Variants in FBXO34 observed in about 807,000 individuals in gnomAD.
FBXO34 encodes the protein F-box protein 34, also known as F-box only protein 34.
In FBXO34, 12 loss-of-function variants were observed where a neutral mutation model predicts 24.5. The observed-to-expected ratio is 0.49, with a 90% CI of 0.31 to 0.79. FBXO34 has a LOEUF of 0.79. Ranked by LOEUF, FBXO34 falls within the 30% of genes least tolerant of loss-of-function variation. The pLI is 0.04. For synonymous variants in FBXO34, 320 were observed against 311.9 expected, an observed-to-expected ratio of 1.03 and a Z score of -0.27; for missense variants, 823 against 857.7, an observed-to-expected ratio of 0.96 and a Z score of 0.51.
chr14:55,413,692 A>G, the FBXO34 span: 1 of 324,276 alleles, frequency 3.1e-6, no homozygotes, highest in Non-Finnish European at 6.1e-6. Flanking sequence ...TTTTCTGATT[A>G]TTTACCTTCA....
intron 1 of FBXO34, among the ~76,000 whole-genome samples, chr14:55,323,026 A>AAAAAAAC (rs1266987692): frequency 1.6e-5 from 2 of 126,428 alleles, no homozygotes; most frequent in Non-Finnish European, 3.3e-5. Context: ...ACAAAAAAAA[A>AAAAAAAC]AAAAAAAGCA....
chr14:55,309,233 C>T (rs944566656), intron 1 of FBXO34, among the ~76,000 whole-genome samples: 3 of 151,986 alleles, frequency 2.0e-5, no homozygotes, highest in African/African-American at 7.3e-5. Flanking sequence ...TTAAATATTC[C>T]TATGAATACA....
intron 1 of FBXO34, among the ~76,000 whole-genome samples, chr14:55,319,552 A>T (rs1288100658): frequency 6.6e-6 from 1 of 151,974 alleles, no homozygotes; most frequent in African/African-American, 2.4e-5. Context: ...ATCCTTTGTA[A>T]TTTTTGGTGA....
At chr14:55,339,464 C>T (rs1262584211) in intron 1 of FBXO34, 5 of 145,194 alleles carry the variant, frequency 3.4e-5, no homozygotes, top group Non-Finnish European at 6.0e-5. Flanking sequence ...TATCCTTTGT[C>T]GAAGCCATTA....
At chr14:55,358,901 A>T (rs1206989568) in intron 3 of FBXO34, among the ~76,000 whole-genome samples, 1 of 152,042 alleles carries the variant, frequency 6.6e-6, no homozygotes, top group Non-Finnish European at 1.5e-5. Flanking sequence ...GTGTAATAGA[A>T]CCACGGGGTG....
intron 1 of FBXO34, among the ~76,000 whole-genome samples, chr14:55,273,257 T>A (rs1156419562): frequency 6.6e-6 from 1 of 152,122 alleles, no homozygotes; most frequent in Non-Finnish European, 1.5e-5. Context: ...TCTCTCTGGG[T>A]TTTACATCAA....
the FBXO34 span, among the ~76,000 whole-genome samples, chr14:55,393,037 A>G: frequency 6.6e-6 from 1 of 152,232 alleles, no homozygotes; most frequent in Admixed American, 6.5e-5. Flanking sequence ...TTTGTTTACT[A>G]AAACATTCAG....
At chr14:55,395,957 AT>A in the FBXO34 span, 3 of 1,596,440 alleles carry the variant, frequency 1.9e-6, no homozygotes, top group Non-Finnish European at 1.7e-6. Flanking sequence ...TCTGTTATCC[AT>A]TTTCCTTCCA....
the FBXO34 span, chr14:55,437,094 G>A: frequency 4.1e-6 from 5 of 1,223,378 alleles, no homozygotes; most frequent in Non-Finnish European, 5.9e-6. Flanking sequence ...ATGTCACTAT[G>A]GCAGGCAGGC....
At chr14:55,323,462 G>A (rs141081784) in intron 1 of FBXO34, among the ~76,000 whole-genome samples, 1 of 150,718 alleles carries the variant, frequency 6.6e-6, no homozygotes, top group Non-Finnish European at 1.5e-5. Flanking sequence ...GGCTCACTGC[G>A]GTCTTCGAGT....
chr14:55,428,727 AAGAT>A, the FBXO34 span: 1 of 1,428,602 alleles, frequency 7.0e-7, no homozygotes, highest in Non-Finnish European at 9.5e-7. Flanking sequence ...ATTTCTCTGA[AAGAT>A]ACTTTACGTA....
chr14:55,278,290 C>G (rs754849544), intron 1 of FBXO34, among the ~76,000 whole-genome samples: 1 of 152,118 alleles, frequency 6.6e-6, no homozygotes, highest in South Asian at 2.1e-4. Context: ...CTCACTGTGA[C>G]GAAGTTAAGC....
the FBXO34 span, among the ~76,000 whole-genome samples, chr14:55,396,262 T>C: frequency 3.3e-5 from 5 of 152,230 alleles, no homozygotes; most frequent in African/African-American, 1.2e-4. Context: ...CATCAGTAAC[T>C]GCCATCCGTC....
intron 1 of FBXO34, among the ~76,000 whole-genome samples, chr14:55,296,657 A>G (rs1882144061): frequency 6.6e-6 from 1 of 151,946 alleles, no homozygotes; most frequent in South Asian, 2.1e-4. Flanking sequence ...TGGTCTCCCA[A>G]AGTGCTGGGA....
At chr14:55,430,273 T>G in the FBXO34 span, among the ~76,000 whole-genome samples, 1 of 152,110 alleles carries the variant, frequency 6.6e-6, no homozygotes, top group East Asian at 1.9e-4. Flanking sequence ...TTGAACTTGT[T>G]TGCCTGGACT....
At chr14:55,299,743 A>G (rs1297048708) in intron 1 of FBXO34, among the ~76,000 whole-genome samples, 3 of 152,144 alleles carry the variant, frequency 2.0e-5, no homozygotes, top group African/African-American at 7.2e-5. Flanking sequence ...TAAATGACCC[A>G]TTTTTCTTCA....
downstream of FBXO34, among the ~76,000 whole-genome samples, chr14:55,370,643 T>A (rs138266041): frequency 5.9e-3 from 891 of 151,890 alleles, 4 homozygotes; most frequent in African/African-American, 0.02. Context: ...CTTTCTGCAT[T>A]TCTTTTTTTT....
At chr14:55,393,245 C>T in the FBXO34 span, among the ~76,000 whole-genome samples, 19 of 151,830 alleles carry the variant, frequency 1.3e-4, no homozygotes, top group Non-Finnish European at 2.5e-4. Context: ...CTTAGCCGGG[C>T]GTGGTGGTGG....
At chr14:55,356,873 C>T (rs577254490), downstream of FBXO34, among the ~76,000 whole-genome samples, 68 of 152,236 alleles carry the variant, frequency 4.5e-4, no homozygotes, top group Middle Eastern at 3.4e-3. Flanking sequence ...CTCAGTCTTC[C>T]GAGTAGCTGC....
Sources: allele counts gnomAD v4.1 joint callset (sites outside exome capture counted in the v4.1 genomes callset), GRCh38; gene constraint gnomAD v4.1.1; transcripts MANE v1.5; gene names NCBI Gene and HGNC (gene_info 2026-07-23, HGNC 2026-07-21).